FRRS1: variants seen among roughly 807,000 people sequenced by gnomAD.
FRRS1 encodes the protein ferric reductase 1.
FRRS1 carries 51 observed loss-of-function variants against 70.7 expected under a neutral mutation model. The observed-to-expected ratio is 0.72, with a 90% confidence interval of 0.58 to 0.91. FRRS1 has a LOEUF of 0.91. FRRS1 is among the 40% of genes least tolerant of loss of function. The pLI is 0.00. For missense variants in FRRS1, 672 were observed against 726.0 expected (o/e 0.93, Z 0.86); for synonymous variants, 225 against 238.7 (o/e 0.94, Z 0.53).
At chr1:99,717,659 G>C (rs1231109404) in intron 10 of FRRS1, 134 bp from the exon 11 acceptor site, 3 of 638,086 alleles carry the variant, frequency 4.7e-6, no homozygotes, top group Non-Finnish European at 5.6e-6. Context: ...AACCTAAAAA[G>C]ATGCTATACA....
chr1:99,751,973 G>T (rs1026189856), intron 1 of FRRS1, among the ~76,000 whole-genome samples: 3 of 152,122 alleles, frequency 2.0e-5, no homozygotes, highest in Non-Finnish European at 4.4e-5. Flanking sequence ...CAAAATAAAT[G>T]ACAAGATATA....
chr1:99,759,646 G>A (rs1657022481), intron 1 of FRRS1, among the ~76,000 whole-genome samples: 2 of 152,166 alleles, frequency 1.3e-5, no homozygotes, highest in South Asian at 4.1e-4. Flanking sequence ...GATATATAAA[G>A]ACAGCAATAA....
Position 99,748,863 on chromosome 1 carries a change from T to C in FRRS1, c.-1+34A>G, listed in dbSNP as rs541905789. ...ACCATAATTCTAGATAACTACTTGC[T>C]TTCTGTGTTCAGCAAACCATATTCT... On this transcript the variant is annotated intron_variant, in intron 2 of 16. Transcript: ENST00000646001. The C allele has an allele frequency of 1.2e-3, 1,017 of 869,500 alleles. 2 individuals are homozygous for C. The highest frequency in any genetic ancestry group is 1.6e-3 in the Non-Finnish European group (896 of 568,768). 53.9% of individuals were successfully genotyped at this position (869,500 alleles called of 1,614,324 possible).
chr1:99,737,045 A>C (rs5013128), intron 7 of FRRS1, among the ~76,000 whole-genome samples: 74,563 of 151,404 alleles, frequency 0.49, 22,292 homozygotes, highest in African/African-American at 0.85. Flanking sequence ...CAAGACAAGA[A>C]CGCCTGTGCT....
intron 12 of FRRS1, 108 bp from the exon 13 acceptor site, chr1:99,712,623 T>C (rs983978817): frequency 6.9e-6 from 4 of 581,970 alleles, no homozygotes; most frequent in East Asian, 3.0e-5. Context: ...TCCATGGCTT[T>C]AAAGATTCAA....
intron 6 of FRRS1, among the ~76,000 whole-genome samples, chr1:99,739,488 A>G (rs1305094189): frequency 1.3e-5 from 2 of 152,228 alleles, no homozygotes; most frequent in Non-Finnish European, 2.9e-5. Context: ...TGGTCAAACG[A>G]AAGTGCAACA....
chr1:99,761,845 C>T (rs77244457), intron 1 of FRRS1, among the ~76,000 whole-genome samples: 3 of 152,040 alleles, frequency 2.0e-5, no homozygotes, highest in Non-Finnish European at 2.9e-5. Flanking sequence ...AACTGCATTT[C>T]GCTATAGTAA....
rs371264961 is a variant in FRRS1 at position 99,747,378 on chromosome 1, A to G, written c.249T>C (p.Ala83=). ...FKGFLLEARN[A]EDLNGPPIGS... The stretch of plus-strand genomic sequence containing the variant: ...CAATAGGAGGGCCATTCAGATCCTC[A>G]GCATTACGCGCTTCTAGGAGAAAGC... Residue 83 remains alanine (A), a synonymous_variant, in exon 4 of 17, where the codon GCT becomes GCC. Transcript: ENST00000646001. 8.0e-5 allele frequency: 129 copies of G among 1,613,680 alleles called. 2 individuals carry two copies. In the South Asian group the frequency reaches 1.4e-3, roughly 17 times the overall value.
rs184177257 is a variant in FRRS1 at position 99,730,593 on chromosome 1, C to T, written c.760-845G>A. 7.0e-3 allele frequency among the ~76,000 whole-genome samples: 1,064 copies of T among 152,160 alleles called. 18 individuals carry two copies. The highest frequency in any genetic ancestry group is 0.024 in the African/African-American group (1,013 of 41,502). On this transcript the variant is annotated intron_variant, in intron 7 of 16. Transcript: ENST00000646001. ...TTAAAAATCAGCCAAGCGGGCCGGG[C>T]GAGGTGGCTCACGCCTGTAGTCCCA... is the stretch of plus-strand genomic sequence containing the variant.
chr1:99,710,532 C>T (rs1237682250), intron 15 of FRRS1, among the ~76,000 whole-genome samples: 2 of 152,156 alleles, frequency 1.3e-5, no homozygotes, highest in African/African-American at 4.8e-5. Flanking sequence ...TCCATACTGG[C>T]TCTAAGTCAG....
rs1032323362 is a variant in FRRS1 at position 99,712,343 on chromosome 1, AT to A, written c.1421+74del. 16 of 1,169,898 alleles carry A rather than the reference AT, an allele frequency of 1.4e-5. No homozygotes were observed. The African/African-American group carries it at 2.0e-4, about 15-fold the overall frequency. The allele number at this position is 1,169,898 out of a possible 1,614,324, so 72.5% of individuals were successfully genotyped here. ...ATTTTATAAAATGCAAAATTTTTCCATTTGAAAACAGATTAGTTTGCCAACT... is the reference window on the plus strand; with the variant it reads ...ATTTTATAAAATGCAAAATTTTTCCATTGAAAACAGATTAGTTTGCCAACT... On this transcript the variant is annotated intron_variant, in intron 13 of 16. Coordinates refer to ENST00000646001, the MANE Select transcript of FRRS1 (RefSeq NM_001361041.2).
chr1:99,748,837 G>A, intron 2 of FRRS1, 60 bp downstream of exon 2: 1 of 1,116,162 alleles, frequency 9.0e-7, no homozygotes, highest in Non-Finnish European at 1.3e-6. Context: ...TACACAACTG[G>A]ACCATAATTC....
chr1:99,709,725 T>G (rs914944892), intron 15 of FRRS1, among the ~76,000 whole-genome samples: 2 of 152,096 alleles, frequency 1.3e-5, no homozygotes, highest in African/African-American at 4.8e-5. Context: ...CCCAGCACTT[T>G]GGAAGGAAGA....
intron 7 of FRRS1, among the ~76,000 whole-genome samples, chr1:99,732,207 C>T (rs7518063): frequency 0.49 from 75,187 of 151,986 alleles, 22,587 homozygotes; most frequent in African/African-American, 0.85. Flanking sequence ...GAACGTGCTA[C>T]TCCAACCTCA....
In FRRS1 at chr1:99,704,562, T is replaced by C. The variant is rs937786140; in HGVS notation, c.*4466A>G. Among the ~76,000 whole-genome samples the C allele has an allele frequency of 3.3e-5, 5 of 152,160 alleles. No individual in the cohort carries two copies. Among genetic ancestry groups the C allele is most frequent in the Non-Finnish European group, 1.5e-5 (1 of 68,018 alleles). ...GGGTCTAAGTGAGGACAGGCACCCCTGCCTTCAGCGCCCAAATGTTGCATT... is the reference window on the plus strand; with the variant it reads ...GGGTCTAAGTGAGGACAGGCACCCCCGCCTTCAGCGCCCAAATGTTGCATT... On this transcript the variant is annotated 3_prime_UTR_variant, in exon 17 of 17. Transcript: ENST00000646001.
intron 4 of FRRS1, among the ~76,000 whole-genome samples, chr1:99,745,109 TA>T (rs1656186600): frequency 6.6e-6 from 1 of 151,854 alleles, no homozygotes; most frequent in African/African-American, 2.4e-5. Flanking sequence ...CACTTATTAG[TA>T]AAGAAGAGAA....
intron 9 of FRRS1, among the ~76,000 whole-genome samples, chr1:99,721,888 C>A (rs185144070): frequency 6.6e-6 from 1 of 152,106 alleles, no homozygotes; most frequent in Non-Finnish European, 1.5e-5. Flanking sequence ...TGAGCAACCA[C>A]GCCCGGTCGA....
intron 7 of FRRS1, among the ~76,000 whole-genome samples, chr1:99,731,100 G>A (rs539827514): frequency 2.6e-5 from 4 of 152,232 alleles, no homozygotes; most frequent in East Asian, 3.9e-4. Context: ...TCAATTAATA[G>A]GGGGAAAAAG....
At position 99,705,918 on chromosome 1, in the gene FRRS1, CATTTA is replaced by C. The variant is rs1387419079; in HGVS notation, c.*3105_*3109del. ...GGCAACATTGCTAAAGATATAAAAG[CATTTA>C]ATTTAACAATAATTACTATCAAAAG... On this transcript the variant is annotated 3_prime_UTR_variant, in exon 17 of 17. Transcript: ENST00000646001. 4.6e-5 allele frequency among the ~76,000 whole-genome samples: 7 copies of C among 152,148 alleles called. No individual in the cohort carries two copies. Among genetic ancestry groups the C allele is most frequent in the Admixed American group, 2.0e-4 (3 of 15,284 alleles).
Sources: gnomAD v4.1 joint callset for allele counts (sites outside exome capture counted in the v4.1 genomes callset) on GRCh38, gnomAD v4.1.1 for gene constraint, MANE v1.5 for transcripts, NCBI Gene and HGNC (gene_info 2026-07-23, HGNC 2026-07-21) for gene names.